The following CCSER2 variants were observed in gnomAD, a reference collection of about 807,000 sequenced individuals.
CCSER2 encodes the protein serine-rich coiled-coil domain-containing protein 2.
A neutral mutation model predicts 92.3 loss-of-function variants in CCSER2; 46 were observed. That is an observed-to-expected ratio of 0.50 (90% CI 0.39 to 0.64). The LOEUF (loss-of-function observed/expected upper bound fraction) is 0.64. Ranked by LOEUF, CCSER2 falls within the 30% of genes least tolerant of loss-of-function variation. The pLI is 0.00. For missense variants in CCSER2, 1,244 were observed against 1,238.9 expected, an observed-to-expected ratio of 1.00 and a Z score of -0.06; for synonymous variants, 433 against 431.4, an observed-to-expected ratio of 1.00 and a Z score of -0.04.
At chr10:84,377,382 A>G (rs1305473487) in intron 3 of CCSER2, among the ~76,000 whole-genome samples, 1 of 152,150 alleles carries the variant, frequency 6.6e-6, no homozygotes, top group Non-Finnish European at 1.5e-5. Context: ...ATGGTGTGAG[A>G]TAGATGTCAC....
chr10:84,379,258 CTCTTTTTAACA>C, intron 3 of CCSER2, among the ~76,000 whole-genome samples: 1 of 152,162 alleles, frequency 6.6e-6, no homozygotes, highest in South Asian at 2.1e-4. Context: ...TAGGATTATC[CTCTTTTTAACA>C]TCTTATAGGG....
At chr10:84,491,812 C>T (rs958533422) in intron 9 of CCSER2, among the ~76,000 whole-genome samples, 1 of 152,138 alleles carries the variant, frequency 6.6e-6, no homozygotes, top group Admixed American at 6.5e-5. Context: ...ATGCAGAAAT[C>T]ACCCCTCTTC....
chr10:84,361,452 A>C (rs948200047), intron 1 of CCSER2, among the ~76,000 whole-genome samples: 2 of 152,182 alleles, frequency 1.3e-5, no homozygotes, highest in African/African-American at 4.8e-5. Flanking sequence ...AGTGATATTA[A>C]TTGCAGCTTT....
intron 1 of CCSER2, among the ~76,000 whole-genome samples, chr10:84,349,831 C>T (rs542127958): frequency 1.3e-5 from 2 of 152,154 alleles, no homozygotes; most frequent in Non-Finnish European, 2.9e-5. Context: ...TCATTCTCCA[C>T]ATAACAGCCA....
At chr10:84,343,376 T>A (rs534706769) in intron 1 of CCSER2, among the ~76,000 whole-genome samples, 3 of 152,360 alleles carry the variant, frequency 2.0e-5, no homozygotes, top group Middle Eastern at 3.4e-3. Flanking sequence ...TCATTGTCTT[T>A]ACTGTTTCCT....
Position 84,425,896 on chromosome 10 carries a change from AAGTACTG to A in CCSER2, c.1868+4_1868+10del. On this transcript the variant is annotated splice_donor_5th_base_variant and intron_variant, in intron 5 of 9. Transcript: ENST00000372088. The stretch of plus-strand genomic sequence containing the variant: ...CATGGAAAAAGTGACTTGAGCAGGT[AAGTACTG>A]TTCTGACTTAGATTTCATTTGCTGT... The A allele has an allele frequency of 6.3e-7, 1 of 1,578,174 alleles. No homozygotes were observed. Among genetic ancestry groups the A allele is most frequent in the Non-Finnish European group, 8.6e-7 (1 of 1,157,866 alleles).
chr10:84,496,833 G>A (rs1848480271), intron 9 of CCSER2, among the ~76,000 whole-genome samples: 1 of 151,882 alleles, frequency 6.6e-6, no homozygotes, highest in Non-Finnish European at 1.5e-5. Context: ...TTTTTCCTTG[G>A]GTCCCAAGCT....
At chr10:84,370,045 A>G (rs1327731051) in intron 1 of CCSER2, among the ~76,000 whole-genome samples, 2 of 152,022 alleles carry the variant, frequency 1.3e-5, no homozygotes, top group African/African-American at 2.4e-5. Context: ...TTTTGTTACT[A>G]TAGTAGCCTT....
intron 7 of CCSER2, among the ~76,000 whole-genome samples, chr10:84,464,455 T>C (rs1846277538): frequency 6.6e-6 from 1 of 152,196 alleles, no homozygotes; most frequent in South Asian, 2.1e-4. Context: ...AATTCTTATT[T>C]ATGTCTATTT....
At chr10:84,489,528 A>G (rs1207025199) in intron 9 of CCSER2, among the ~76,000 whole-genome samples, 1 of 152,138 alleles carries the variant, frequency 6.6e-6, no homozygotes, top group African/African-American at 2.4e-5. Flanking sequence ...TTGTTGGTTT[A>G]AAGTCTGTTT....
intron 7 of CCSER2, among the ~76,000 whole-genome samples, chr10:84,470,013 ATT>A (rs67106487): frequency 0.071 from 6,826 of 96,332 alleles, 212 homozygotes; most frequent in Admixed American, 0.1. Flanking sequence ...TTTGTATGTG[ATT>A]TTTTTTTTTT....
chr10:84,509,044 T>C (rs900123642), intron 9 of CCSER2, among the ~76,000 whole-genome samples: 1 of 152,226 alleles, frequency 6.6e-6, no homozygotes, highest in Non-Finnish European at 1.5e-5. Context: ...AAGGTCATTA[T>C]GAGAGGTACT....
At chr10:84,512,824 CTT>C (rs896371084) in intron 9 of CCSER2, among the ~76,000 whole-genome samples, 21 of 152,156 alleles carry the variant, frequency 1.4e-4, no homozygotes, top group Admixed American at 1.3e-3. Flanking sequence ...AACAAATAAA[CTT>C]TGAAACATTT....
chr10:84,331,811 A>T (rs1843576525), intron 1 of CCSER2, among the ~76,000 whole-genome samples: 1 of 152,242 alleles, frequency 6.6e-6, no homozygotes, highest in Non-Finnish European at 1.5e-5. Flanking sequence ...TATATGATAA[A>T]GCATACACAT....
chr10:84,438,464 AATTGT>A (rs3831271), intron 5 of CCSER2, 43 bp from the exon 6 acceptor site: 64,618 of 982,162 alleles, frequency 0.066, 2,582 homozygotes, highest in Admixed American at 0.12. Context: ...TTCTTTCTGA[AATTGT>A]ATTGTATATC....
At position 84,514,585 on chromosome 10, in the gene CCSER2, G is replaced by A; in HGVS notation, c.*318G>A. On this transcript the variant is annotated 3_prime_UTR_variant, in exon 10 of 10. Transcript: ENST00000372088. Reference sequence around the variant, plus strand: ...TAATATTTTACTGAGCAGGCAAGAAGTGTGCTTTGCTGGTTTAGTCCTATT... The same window carrying A: ...TAATATTTTACTGAGCAGGCAAGAAATGTGCTTTGCTGGTTTAGTCCTATT... 1 of 303,440 alleles carries A rather than the reference G, an allele frequency of 3.3e-6. No homozygotes were observed. The highest frequency in any genetic ancestry group is 6.1e-6 in the Non-Finnish European group (1 of 164,742). 18.8% of individuals were successfully genotyped at this position (303,440 alleles called of 1,614,324 possible).
intron 1 of CCSER2, among the ~76,000 whole-genome samples, chr10:84,335,505 A>G (rs984559575): frequency 2.6e-5 from 4 of 151,710 alleles, no homozygotes; most frequent in Non-Finnish European, 5.9e-5. Flanking sequence ...TTACCTCCCA[A>G]AGTGCTGGGA....
intron 9 of CCSER2, among the ~76,000 whole-genome samples, chr10:84,511,058 A>G (rs1229884443): frequency 6.6e-6 from 1 of 152,238 alleles, no homozygotes; most frequent in African/African-American, 2.4e-5. Context: ...TATTTCGCAT[A>G]TAGAAACCAC....
chr10:84,516,180 C>T lies in CCSER2; in HGVS notation c.*1913C>T, dbSNP rs1471211325. On this transcript the variant is annotated 3_prime_UTR_variant, in exon 10 of 10. Transcript: ENST00000372088. Reference sequence around the variant, plus strand: ...AGAAATTTGAAAGAAGTGTTTGCTACCATTTTGACCCATTATTCCCTTACC... The same window carrying T: ...AGAAATTTGAAAGAAGTGTTTGCTATCATTTTGACCCATTATTCCCTTACC... The T allele has an allele frequency of 1.3e-5, 2 of 152,294 alleles. No individual in the cohort carries two copies. Among genetic ancestry groups the T allele is most frequent in the South Asian group, 2.1e-4 (1 of 4,820 alleles). The allele number at this position is 152,294 out of a possible 1,614,324, so 9.4% of individuals were successfully genotyped here. A position where few individuals can be genotyped will look rare whatever the true frequency, so the allele number is the denominator to read the frequency against.
Sources: allele counts gnomAD v4.1 joint callset (sites outside exome capture counted in the v4.1 genomes callset), GRCh38; gene constraint gnomAD v4.1.1; transcripts MANE v1.5; gene names NCBI Gene and HGNC (gene_info 2026-07-23, HGNC 2026-07-21).